The following KCNK9 variants were observed in gnomAD, a reference collection of about 807,000 sequenced individuals.
KCNK9 encodes potassium channel subfamily K member 9.
Under a neutral mutation model 10.8 loss-of-function variants are expected in KCNK9, and 1 was observed. The observed-to-expected ratio is 0.09, with a 90% confidence interval of 0.03 to 0.44. The LOEUF is 0.44. Among genes scored for constraint, KCNK9 ranks in the 20% least tolerant of loss-of-function variants. KCNK9 has a pLI of 0.97. For missense variants in KCNK9, 303 were observed against 515.0 expected (o/e 0.59, Z 3.98); for synonymous variants, 231 against 222.7 (o/e 1.04, Z -0.33).
At chr8:139,665,082 G>A (rs1017536607) in intron 1 of KCNK9, among the ~76,000 whole-genome samples, 3 of 152,158 alleles carry the variant, frequency 2.0e-5, no homozygotes, top group Non-Finnish European at 4.4e-5. Context: ...TGAGGCTGCC[G>A]TCACAAATTG....
chr8:139,620,048 C>T (rs1027134356), intron 1 of KCNK9, among the ~76,000 whole-genome samples: 2 of 152,188 alleles, frequency 1.3e-5, no homozygotes, highest in East Asian at 3.8e-4. Context: ...TATTTCCTCA[C>T]ATTCGAAATG....
Position 139,703,070 on chromosome 8 carries a change from G to GGCCGCCGCCGCCTCCTCCTCC in KCNK9, c.-99_-79dup. 2 of 1,265,724 alleles carry GGCCGCCGCCGCCTCCTCCTCC rather than the reference G, an allele frequency of 1.6e-6. No homozygotes were observed. The highest frequency in any genetic ancestry group is 2.0e-6 in the Non-Finnish European group (2 of 1,001,380). 78.4% of individuals were successfully genotyped at this position (1,265,724 alleles called of 1,614,324 possible). A position where few individuals can be genotyped will look rare whatever the true frequency, so the allele number is the denominator to read the frequency against. On this transcript the variant is annotated 5_prime_UTR_variant, in exon 1 of 2. Coordinates refer to ENST00000520439, the MANE Select transcript of KCNK9 (RefSeq NM_001282534.2). The surrounding 1 kb of genome is among the most constrained non-coding windows in gnomAD (Gnocchi z 6.4). The stretch of plus-strand genomic sequence containing the variant: ...CGCGCGTCCCACTGCAGCGCCCGGC[G>GGCCGCCGCCGCCTCCTCCTCC]GCCGCCGCCGCCTCCTCCTCCGCCG...
intron 1 of KCNK9, among the ~76,000 whole-genome samples, chr8:139,666,501 A>G (rs1816304314): frequency 6.6e-6 from 1 of 152,170 alleles, no homozygotes. Flanking sequence ...ATGGAGGAGG[A>G]AACTGAGGCA....
chr8:139,697,987 C>T (rs971180687), intron 1 of KCNK9, among the ~76,000 whole-genome samples: 4 of 152,182 alleles, frequency 2.6e-5, no homozygotes, highest in African/African-American at 9.7e-5. Context: ...CCTCTGGGCC[C>T]ACCCCATGGC....
chr8:139,652,117 G>A (rs1815883953), intron 1 of KCNK9, among the ~76,000 whole-genome samples: 1 of 152,078 alleles, frequency 6.6e-6, no homozygotes, highest in Admixed American at 6.5e-5. Context: ...AGTCTCAAAT[G>A]TCCTCCTTTC....
chr8:139,604,880 T>C, intron 2 of KCNK9, among the ~76,000 whole-genome samples: 1 of 152,108 alleles, frequency 6.6e-6, no homozygotes, highest in Non-Finnish European at 1.5e-5. Flanking sequence ...TTCAGGAACA[T>C]GACCTGTGGC....
intron 1 of KCNK9, among the ~76,000 whole-genome samples, chr8:139,624,154 G>A (rs1283042463): frequency 6.6e-6 from 1 of 152,206 alleles, no homozygotes; most frequent in Non-Finnish European, 1.5e-5. Context: ...AGCCCACGCT[G>A]CTCATCTCCA....
intron 1 of KCNK9, among the ~76,000 whole-genome samples, chr8:139,666,620 A>T (rs945664320): frequency 6.6e-6 from 1 of 152,252 alleles, no homozygotes; most frequent in African/African-American, 2.4e-5. Context: ...TGCTGAGGCC[A>T]GGCTTCTGAG....
intron 1 of KCNK9, among the ~76,000 whole-genome samples, chr8:139,648,319 T>G (rs1293239920): frequency 1.3e-5 from 2 of 152,038 alleles, no homozygotes; most frequent in Non-Finnish European, 2.9e-5. Context: ...GAGCCGAAAA[T>G]AAGATGTTGT....
chr8:139,616,226 A>G (rs1814585128), downstream of KCNK9, among the ~76,000 whole-genome samples: 1 of 152,240 alleles, frequency 6.6e-6, no homozygotes. Context: ...AGCATTCTGC[A>G]AATGCATTAG....
chr8:139,629,677 AG>A (rs923879283), intron 1 of KCNK9, among the ~76,000 whole-genome samples: 1 of 150,198 alleles, frequency 6.7e-6, no homozygotes, highest in Admixed American at 6.6e-5. Flanking sequence ...CCACAATGAA[AG>A]GGGGGGAAGA....
chr8:139,628,819 G>A lies in KCNK9; in HGVS notation c.284-9720C>T, dbSNP rs759653. 2.2e-3 allele frequency among the ~76,000 whole-genome samples: 338 copies of A among 152,256 alleles called. 1 individual carries two copies. The highest frequency in any genetic ancestry group is 7.9e-3 in the African/African-American group (328 of 41,554). On this transcript the variant is annotated intron_variant, in intron 1 of 1. Coordinates refer to ENST00000520439, the MANE Select transcript of KCNK9 (RefSeq NM_001282534.2). ...CAAATTTCCAACAACATTCACGAAG[G>A]CCTTTCTCCTCTTCTGCTCCATGTA...
At chr8:139,633,495 T>C (rs989990094) in intron 1 of KCNK9, among the ~76,000 whole-genome samples, 157 of 152,312 alleles carry the variant, frequency 1.0e-3, no homozygotes, top group African/African-American at 3.6e-3. Flanking sequence ...GGTGGCAGTC[T>C]TGGATTGCTG....
chr8:139,671,924 C>A (rs1335166408), intron 1 of KCNK9, among the ~76,000 whole-genome samples: 4 of 152,124 alleles, frequency 2.6e-5, no homozygotes, highest in Admixed American at 2.6e-4. Flanking sequence ...ACCACCGGCC[C>A]CCACCTGTCC....
rs553495096 is a variant in KCNK9, at chr8:139,602,463, T to C, written c.*1-862A>G. Among the ~76,000 whole-genome samples the C allele has an allele frequency of 4.9e-4, 74 of 152,320 alleles. 1 individual carries two copies. Among genetic ancestry groups the C allele is most frequent in the Admixed American group, 3.1e-3 (48 of 15,302 alleles). ...TTAGAACGCAGCAATGCCTGTTACA[T>C]TTTTTTGGAGGGTGGTGGGAGACCT... On this transcript the variant is annotated intron_variant, in intron 2 of 2. Coordinates refer to the KCNK9 transcript ENST00000650269.
intron 1 of KCNK9, among the ~76,000 whole-genome samples, chr8:139,657,816 G>T (rs1053629497): frequency 6.6e-6 from 1 of 152,206 alleles, no homozygotes; most frequent in African/African-American, 2.4e-5. Flanking sequence ...TTATCACCCT[G>T]GCGGGTGGGG....
chr8:139,655,168 A>G (rs1332908528), intron 1 of KCNK9, among the ~76,000 whole-genome samples: 2 of 152,030 alleles, frequency 1.3e-5, no homozygotes, highest in Non-Finnish European at 2.9e-5. Context: ...TGACGAGGGA[A>G]TGGGGTCAGG....
At position 139,618,578 on chromosome 8, in the gene KCNK9, T is replaced by C; in HGVS notation, c.805A>G (p.Asn269Asp). 2 of 1,613,756 alleles carry C rather than the reference T, an allele frequency of 1.2e-6. No individual in the cohort carries two copies. Among genetic ancestry groups the C allele is most frequent in the Non-Finnish European group, 1.7e-6 (2 of 1,179,812 alleles). ...EERASLAGNR[N>D]SMVIHIPEEP... ...TCAGGGATGTGAATGACCATGCTGT[T>C]GCGGTTTCCGGCGAGGGATGCCCTC... The change falls in exon 2 of 2, where the codon AAC (asparagine) becomes GAC (aspartate). Residue 269 changes from asparagine to aspartate, a missense_variant. Asn to Asp is a conservative substitution (Grantham distance 23). This residue lies in a region of KCNK9 where 138 missense variants were observed against 161.1 expected (regional missense o/e 0.86). Coordinates refer to ENST00000520439, the MANE Select transcript of KCNK9 (RefSeq NM_001282534.2). This position sits in a 1 kb window ranked among gnomAD's most constrained non-coding sequence, Gnocchi z 7.9.
intron 1 of KCNK9, among the ~76,000 whole-genome samples, chr8:139,664,895 AG>A (rs1249098478): frequency 6.6e-6 from 1 of 152,132 alleles, no homozygotes; most frequent in East Asian, 1.9e-4. Context: ...CTTTTGCAGA[AG>A]GGAGGGAAAG....
Sources: allele counts gnomAD v4.1 joint callset (sites outside exome capture counted in the v4.1 genomes callset), GRCh38; gene constraint gnomAD v4.1.1; regional missense constraint gnomAD v4.1.1; non-coding constraint Gnocchi (gnomAD v3.1); transcripts MANE v1.5; gene names NCBI Gene and HGNC (gene_info 2026-07-23, HGNC 2026-07-21).